Variants in ROCK2 observed in about 807,000 individuals in gnomAD.
ROCK2 encodes the protein rho-associated protein kinase 2.
Under a neutral mutation model 195.1 loss-of-function variants are expected in ROCK2, and 61 were observed. The ratio of observed to expected loss-of-function variants is 0.31; its 90% CI spans 0.25 to 0.39. The LOEUF (loss-of-function observed/expected upper bound fraction) is 0.39. ROCK2 is among the 10% of genes least tolerant of loss of function. ROCK2 has a pLI of 1.00. For synonymous variants in ROCK2, 504 were observed against 545.5 expected (o/e 0.92, Z 1.06); for missense variants, 1,109 against 1,637.4 (o/e 0.68, Z 5.57).
chr2:11,261,703 G>A (rs1355433116), intron 3 of ROCK2, among the ~76,000 whole-genome samples: 1 of 152,132 alleles, frequency 6.6e-6, no homozygotes, highest in Non-Finnish European at 1.5e-5. Context: ...TGTAATCCCA[G>A]CTACTCAGGA....
At chr2:11,292,836 C>T (rs745558798) in intron 1 of ROCK2, among the ~76,000 whole-genome samples, 6 of 152,096 alleles carry the variant, frequency 3.9e-5, no homozygotes, top group Admixed American at 6.5e-5. Flanking sequence ...GGAGGAGGGG[C>T]TTGGTGGGAG....
intron 4 of ROCK2, among the ~76,000 whole-genome samples, chr2:11,242,616 A>T (rs1665466974): frequency 6.6e-6 from 1 of 152,124 alleles, no homozygotes; most frequent in South Asian, 2.1e-4. Context: ...ACTAAAATAC[A>T]CAGCATCCCA....
At position 11,344,361 on chromosome 2, in the gene ROCK2, G is replaced by A. The variant is rs1309710001; in HGVS notation, c.-225C>T. The A allele has an allele frequency of 1.7e-6, 2 of 1,167,774 alleles. No homozygotes were observed. The highest frequency in any genetic ancestry group is 1.6e-5 in the African/African-American group (1 of 62,406). The allele number at this position is 1,167,774 out of a possible 1,614,324, so 72.3% of individuals were successfully genotyped here. A position where few individuals can be genotyped will look rare whatever the true frequency, so the allele number is the denominator to read the frequency against. ...AGCCCGGCCCGGCCCTGCCGGGAGC[G>A]GCGGGGAACAGACGGCGTCCCCGCC... is the stretch of plus-strand genomic sequence containing the variant. On this transcript the variant is annotated 5_prime_UTR_variant, in exon 1 of 33. Coordinates refer to ENST00000315872, the MANE Select transcript of ROCK2 (RefSeq NM_004850.5). This position sits in a 1 kb window ranked among gnomAD's most constrained non-coding sequence, Gnocchi z 5.4.
chr2:11,299,538 GT>G (rs2148214293), intron 1 of ROCK2, among the ~76,000 whole-genome samples: 1 of 151,790 alleles, frequency 6.6e-6, no homozygotes, highest in South Asian at 2.1e-4. Flanking sequence ...TCTCGTAAAA[GT>G]TCCACTAGAA....
intron 4 of ROCK2, among the ~76,000 whole-genome samples, chr2:11,238,377 T>C (rs889202956): frequency 4.6e-5 from 7 of 152,118 alleles, no homozygotes; most frequent in Admixed American, 3.9e-4. Context: ...TTGATCATTA[T>C]ATTCAATGCA....
chr2:11,223,440 T>C (rs1664703704), intron 7 of ROCK2, among the ~76,000 whole-genome samples: 1 of 152,102 alleles, frequency 6.6e-6, no homozygotes, highest in Non-Finnish European at 1.5e-5. Flanking sequence ...TTTTATCCTA[T>C]AAAAAGTATG....
chr2:11,195,105 A>G (rs976631037), intron 27 of ROCK2, 80 bp from the exon 28 acceptor site: 17 of 693,664 alleles, frequency 2.5e-5, no homozygotes, highest in African/African-American at 2.2e-4. Flanking sequence ...TTTTAATATG[A>G]AATTTATAAA....
Position 11,215,564 on chromosome 2 carries a change from A to G in ROCK2, c.1543T>C (p.Tyr515His), listed in dbSNP as rs767881289. 36 of 1,613,582 alleles carry G rather than the reference A, an allele frequency of 2.2e-5. No individual in the cohort carries two copies. Among genetic ancestry groups the G allele is most frequent in the Admixed American group, 3.3e-5 (2 of 59,976 alleles). ...GCTTCATGATCAGCTTTCCTCTGAT[A>G]TTCTGCATTTTTGTGCTGAAGAAGC... ...KALLQHKNAE[Y>H]QRKADHEADK... Residue 515 changes from tyrosine (Y) to histidine (H), a missense_variant, in exon 14 of 33, where the codon TAT (tyrosine) becomes CAT (histidine). By Grantham distance (83) the Tyr-to-His change is moderately conservative. Coordinates refer to ENST00000315872, the MANE Select transcript of ROCK2 (RefSeq NM_004850.5).
intron 3 of ROCK2, among the ~76,000 whole-genome samples, chr2:11,265,690 G>T (rs1267290688): frequency 6.6e-6 from 1 of 152,152 alleles, no homozygotes; most frequent in Non-Finnish European, 1.5e-5. Flanking sequence ...TTAGACCTTT[G>T]TGAATGAGAA....
At chr2:11,260,474 G>A (rs1038069763) in intron 3 of ROCK2, among the ~76,000 whole-genome samples, 19 of 143,286 alleles carry the variant, frequency 1.3e-4, no homozygotes, top group Non-Finnish European at 2.9e-4. Context: ...AAAAGGAGTT[G>A]TGCTAACATA....
rs1321044811 is a variant in ROCK2, at chr2:11,317,605, TATATA to T, written c.141+26386_141+26390del. ...ATATATATATATATATATATATATATATATATATTTTTTTTTTTTTTTAATTATAC... is the reference window on the plus strand; with the variant it reads ...ATATATATATATATATATATATATATTATTTTTTTTTTTTTTTAATTATAC... On this transcript the variant is annotated intron_variant, in intron 1 of 32. Transcript: ENST00000315872. Among the ~76,000 whole-genome samples the T allele has an allele frequency of 1.6e-3, 37 of 22,706 alleles. 2 individuals are homozygous for T. The highest frequency in any genetic ancestry group is 0.016 in the East Asian group (5 of 320). The allele number at this position is 22,706 out of a possible 152,430, so 14.9% of individuals were successfully genotyped here. A position where few individuals can be genotyped will look rare whatever the true frequency, so the allele number is the denominator to read the frequency against.
chr2:11,260,808 T>C (rs982475500), intron 3 of ROCK2, among the ~76,000 whole-genome samples: 2 of 152,226 alleles, frequency 1.3e-5, no homozygotes, highest in Non-Finnish European at 2.9e-5. Flanking sequence ...GATATTCATT[T>C]ATATAAAATA....
intron 3 of ROCK2, among the ~76,000 whole-genome samples, chr2:11,267,942 TG>T (rs1326332086): frequency 1.3e-5 from 2 of 152,012 alleles, no homozygotes; most frequent in African/African-American, 4.8e-5. Context: ...CCACCGCGCC[TG>T]GCCCCAATAT....
intron 5 of ROCK2, among the ~76,000 whole-genome samples, chr2:11,230,436 G>A (rs561647622): frequency 2.0e-4 from 30 of 152,230 alleles, no homozygotes; most frequent in East Asian, 5.8e-4. Context: ...CAGCATATAC[G>A]TAGGCCAAGA....
At chr2:11,210,685 A>G (rs1422795631) in intron 18 of ROCK2, among the ~76,000 whole-genome samples, 1 of 152,226 alleles carries the variant, frequency 6.6e-6, no homozygotes, top group African/African-American at 2.4e-5. Context: ...ATGTGAGCAT[A>G]TCACGAAATG....
At chr2:11,320,437 A>AC (rs1668366247) in intron 1 of ROCK2, among the ~76,000 whole-genome samples, 5 of 152,190 alleles carry the variant, frequency 3.3e-5, no homozygotes, top group Admixed American at 3.3e-4. Flanking sequence ...TTTAACACTT[A>AC]AATGTAAGGA....
intron 17 of ROCK2, among the ~76,000 whole-genome samples, chr2:11,212,651 C>A (rs1664290122): frequency 6.6e-6 from 1 of 151,930 alleles, no homozygotes; most frequent in Non-Finnish European, 1.5e-5. Flanking sequence ...TTTTATAGTT[C>A]ATATCATAAA....
chr2:11,217,602 G>A (rs1465566266), intron 11 of ROCK2, among the ~76,000 whole-genome samples: 1 of 152,120 alleles, frequency 6.6e-6, no homozygotes, highest in Non-Finnish European at 1.5e-5. Context: ...TATGCTCAAA[G>A]TAAAGAATAT....
intron 1 of ROCK2, among the ~76,000 whole-genome samples, chr2:11,315,261 T>C (rs542065101): frequency 2.6e-5 from 4 of 152,032 alleles, no homozygotes; most frequent in African/African-American, 4.8e-5. Flanking sequence ...CAGAACACAA[T>C]GTCCAACAAC....
Sources: allele counts gnomAD v4.1 joint callset (sites outside exome capture counted in the v4.1 genomes callset), GRCh38; gene constraint gnomAD v4.1.1; non-coding constraint Gnocchi (gnomAD v3.1); transcripts MANE v1.5; gene names NCBI Gene and HGNC (gene_info 2026-07-23, HGNC 2026-07-21).